The following TAFA1 variants were observed in gnomAD, a reference collection of about 807,000 sequenced individuals.
TAFA1 encodes chemokine-like protein TAFA-1.
TAFA1 carries 4 observed loss-of-function variants against 18.5 expected under a neutral mutation model. The observed-to-expected ratio is 0.22, with a 90% CI of 0.11 to 0.49. The LOEUF (loss-of-function observed/expected upper bound fraction) is 0.49, where lower values mean the gene tolerates loss of function less well. Among genes scored for constraint, TAFA1 ranks in the 20% least tolerant of loss-of-function variants. The pLI, the probability that TAFA1 is intolerant of heterozygous loss-of-function variation, is 0.98. For synonymous variants in TAFA1, 56 were observed against 55.2 expected (o/e 1.01, Z -0.06); for missense variants, 147 against 169.0 (o/e 0.87, Z 0.72).
At position 68,048,747 on chromosome 3, in the gene TAFA1, T is replaced by C. The variant is rs575468654; in HGVS notation, c.118+42003T>C. ...TTTGCCTGGCTTATTTCATTTAACA[T>C]AATAACCTCCCATTCCATTGATGTT... On this transcript the variant is annotated intron_variant, in intron 2 of 4. Coordinates refer to ENST00000478136, the MANE Select transcript of TAFA1 (RefSeq NM_213609.4). 2.6e-5 allele frequency among the ~76,000 whole-genome samples: 4 copies of C among 152,260 alleles called. No individual in the cohort carries two copies. The East Asian group carries it at 7.7e-4, about 29-fold the overall frequency.
intron 2 of TAFA1, among the ~76,000 whole-genome samples, chr3:68,326,033 C>T (rs1476020073): frequency 6.6e-6 from 1 of 152,118 alleles, no homozygotes; most frequent in Non-Finnish European, 1.5e-5. Flanking sequence ...TATAAATAAA[C>T]TTGAAATAGA....
At chr3:68,254,172 T>C (rs7646115) in intron 2 of TAFA1, among the ~76,000 whole-genome samples, 2,112 of 149,062 alleles carry the variant, frequency 0.014, 19 homozygotes, top group African/African-American at 0.025. Flanking sequence ...TATCTATCTA[T>C]CTATCTATCT....
chr3:68,484,328 A>C (rs1253470855), intron 3 of TAFA1, among the ~76,000 whole-genome samples: 1 of 152,130 alleles, frequency 6.6e-6, no homozygotes, highest in African/African-American at 2.4e-5. Context: ...GTGACTACTG[A>C]GTAGGGAATG....
chr3:68,484,920 C>T (rs2072309061), intron 3 of TAFA1, among the ~76,000 whole-genome samples: 1 of 152,040 alleles, frequency 6.6e-6, no homozygotes, highest in African/African-American at 2.4e-5. Context: ...AAAAGGGAAA[C>T]AATTTGTTTG....
intron 2 of TAFA1, among the ~76,000 whole-genome samples, chr3:68,110,842 G>T (rs138784350): frequency 3.5e-4 from 54 of 152,292 alleles, no homozygotes; most frequent in Non-Finnish European, 5.3e-4. Flanking sequence ...AAAACTTGGA[G>T]TCCAGAGCCT....
At chr3:68,051,622 C>T (rs900643028) in intron 2 of TAFA1, among the ~76,000 whole-genome samples, 1 of 152,066 alleles carries the variant, frequency 6.6e-6, no homozygotes, top group Non-Finnish European at 1.5e-5. Context: ...AAGAAACTCT[C>T]GTTTAGATTG....
intron 2 of TAFA1, among the ~76,000 whole-genome samples, chr3:68,306,871 T>C (rs2068432969): frequency 6.6e-6 from 1 of 152,198 alleles, no homozygotes; most frequent in South Asian, 2.1e-4. Flanking sequence ...TATAGCTTAA[T>C]TCTCATATTT....
intron 2 of TAFA1, among the ~76,000 whole-genome samples, chr3:68,372,480 C>T (rs2069727147): frequency 6.6e-6 from 1 of 152,124 alleles, no homozygotes; most frequent in Non-Finnish European, 1.5e-5. Context: ...ATGAAGAGAG[C>T]CAGGTGGGTT....
intron 2 of TAFA1, among the ~76,000 whole-genome samples, chr3:68,213,596 T>A (rs1157486944): frequency 6.6e-6 from 1 of 152,074 alleles, no homozygotes; most frequent in African/African-American, 2.4e-5. Context: ...AGATATTAGA[T>A]CTTCGGAGAA....
intron 2 of TAFA1, among the ~76,000 whole-genome samples, chr3:68,217,347 AAATAT>A (rs1240479537): frequency 6.6e-6 from 1 of 152,028 alleles, no homozygotes; most frequent in African/African-American, 2.4e-5. Flanking sequence ...AAAATCAGAT[AAATAT>A]AAATTGAGCA....
chr3:68,189,385 T>A (rs1422350411), intron 2 of TAFA1, among the ~76,000 whole-genome samples: 1 of 151,890 alleles, frequency 6.6e-6, no homozygotes, highest in African/African-American at 2.4e-5. Flanking sequence ...GTCCTTGTCC[T>A]TATTTCCATT....
chr3:68,003,722 A>C (rs1025096031), upstream of TAFA1, among the ~76,000 whole-genome samples: 2 of 152,186 alleles, frequency 1.3e-5, no homozygotes, highest in African/African-American at 4.8e-5. Context: ...TTTTTTAAAA[A>C]AGAGCTGTGA....
intron 2 of TAFA1, among the ~76,000 whole-genome samples, chr3:68,320,635 G>C (rs956041442): frequency 2.0e-5 from 3 of 152,124 alleles, no homozygotes; most frequent in African/African-American, 7.2e-5. Context: ...GTGACCCAGG[G>C]CCAGAGGTGG....
At chr3:68,421,917 C>T (rs962160000) in intron 3 of TAFA1, among the ~76,000 whole-genome samples, 2 of 151,952 alleles carry the variant, frequency 1.3e-5, no homozygotes, top group South Asian at 4.2e-4. Context: ...ACTAATTATC[C>T]TGGATATTAC....
chr3:68,290,325 AC>A lies in TAFA1; in HGVS notation c.119-126953del, dbSNP rs1400135840. On this transcript the variant is annotated intron_variant, in intron 2 of 4. Coordinates refer to ENST00000478136, the MANE Select transcript of TAFA1 (RefSeq NM_213609.4). ...GGGAAAAACTATTATTCAATCTACT[AC>A]CATGTTAACATGTAAAACACTACCC... 4.6e-5 allele frequency among the ~76,000 whole-genome samples: 7 copies of A among 152,282 alleles called. No homozygotes were observed. In the South Asian group the frequency reaches 1.5e-3, roughly 32 times the overall value.
At chr3:68,467,654 A>G (rs1016264117) in intron 3 of TAFA1, among the ~76,000 whole-genome samples, 2 of 152,182 alleles carry the variant, frequency 1.3e-5, no homozygotes, top group Non-Finnish European at 2.9e-5. Context: ...GGGTAAGGGG[A>G]GATTCTGGCT....
intron 2 of TAFA1, among the ~76,000 whole-genome samples, chr3:68,112,107 T>C (rs1337628845): frequency 6.6e-6 from 1 of 151,324 alleles, no homozygotes; most frequent in Non-Finnish European, 1.5e-5. Context: ...AAAAAAATGC[T>C]ATACTCATAT....
In TAFA1 at chr3:68,544,535, A is replaced by G. The variant is rs2073426190; in HGVS notation, c.*32A>G. The stretch of plus-strand genomic sequence containing the variant: ...CATTTGTGGTAGTAAAGGAAAACCA[A>G]CCCTCTGGAAAATACATTTTGAGAA... On this transcript the variant is annotated 3_prime_UTR_variant, in exon 5 of 5. Coordinates refer to ENST00000478136, the MANE Select transcript of TAFA1 (RefSeq NM_213609.4). The G allele has an allele frequency of 6.2e-7, 1 of 1,608,642 alleles. No homozygotes were observed. The highest frequency in any genetic ancestry group is 8.5e-7 in the Non-Finnish European group (1 of 1,175,726).
chr3:68,327,333 A>G (rs1268789799), intron 2 of TAFA1, among the ~76,000 whole-genome samples: 5 of 152,140 alleles, frequency 3.3e-5, no homozygotes, highest in African/African-American at 1.2e-4. Flanking sequence ...ACTATTTCAG[A>G]AATTTGAGGC....
Sources: gnomAD v4.1 joint callset for allele counts (sites outside exome capture counted in the v4.1 genomes callset) on GRCh38, gnomAD v4.1.1 for gene constraint, MANE v1.5 for transcripts, NCBI Gene and HGNC (gene_info 2026-07-23, HGNC 2026-07-21) for gene names.